Variants in PTPN4 observed in about 807,000 individuals in gnomAD.
The protein encoded by PTPN4 is tyrosine-protein phosphatase non-receptor type 4.
Under a neutral mutation model 135.5 loss-of-function variants are expected in PTPN4, and 49 were observed. The observed-to-expected ratio is 0.36, with a 90% CI of 0.29 to 0.46. The LOEUF is 0.46. Among genes scored for constraint, PTPN4 ranks in the 20% least tolerant of loss-of-function variants. PTPN4 has a pLI of 1.00. For missense variants in PTPN4, 860 were observed against 1,101.0 expected, an observed-to-expected ratio of 0.78 and a Z score of 3.10; for synonymous variants, 333 against 369.9, an observed-to-expected ratio of 0.90 and a Z score of 1.14.
chr2:119,826,773 C>G (rs1053995923), intron 2 of PTPN4, among the ~76,000 whole-genome samples: 4 of 152,142 alleles, frequency 2.6e-5, no homozygotes, highest in Non-Finnish European at 4.4e-5. Context: ...CGCTTGTAAT[C>G]CCAGTGCTTT....
intron 15 of PTPN4, among the ~76,000 whole-genome samples, chr2:119,940,576 A>T (rs1679046431): frequency 6.6e-6 from 1 of 152,160 alleles, no homozygotes; most frequent in South Asian, 2.1e-4. Context: ...CCATTTCAGC[A>T]TCCTGAGTAG....
At chr2:119,782,975 A>G (rs1690971961) in intron 1 of PTPN4, among the ~76,000 whole-genome samples, 1 of 148,434 alleles carries the variant, frequency 6.7e-6, no homozygotes, top group African/African-American at 2.5e-5. Context: ...TACAGGTGTG[A>G]GCCACCACGC....
chr2:119,965,635 G>A lies in PTPN4; in HGVS notation c.2548G>A (p.Val850Ile). The change falls in exon 25 of 27, where the codon GTC becomes ATC. Residue 850 changes from valine to isoleucine, a missense_variant. Around this residue, in one of 2 missense-constraint regions of PTPN4, gnomAD observed 176 missense variants for 294.1 expected, o/e 0.60. Coordinates refer to ENST00000263708, the MANE Select transcript of PTPN4 (RefSeq NM_002830.4). ...GGCTGGCAAGGAAGAACCCGTTGTT[G>A]TCCATTGCAGGTACTCTGTTTTCCG... ...KRAGKEEPVV[V>I]HCSAGIGRTG... 1.9e-6 allele frequency: 3 copies of A among 1,613,018 alleles called. No homozygotes were observed. The highest frequency in any genetic ancestry group is 1.7e-5 in the Admixed American group (1 of 59,778).
At position 119,905,657 on chromosome 2, in the gene PTPN4, A is replaced by T. The variant is rs1678476276; in HGVS notation, c.764+4851A>T. On this transcript the variant is annotated intron_variant, in intron 10 of 26. Coordinates refer to ENST00000263708, the MANE Select transcript of PTPN4 (RefSeq NM_002830.4). ...CAACATTTTATCCAACAGCTGCAGA[A>T]TATGCATTCTTCACCTCAGCACGTG... 2.6e-5 allele frequency among the ~76,000 whole-genome samples: 4 copies of T among 152,202 alleles called. 1 individual carries two copies. In the South Asian group the frequency reaches 8.3e-4, roughly 31 times the overall value.
At chr2:119,830,950 G>A (rs1196305271) in intron 2 of PTPN4, among the ~76,000 whole-genome samples, 2 of 152,112 alleles carry the variant, frequency 1.3e-5, no homozygotes, top group Non-Finnish European at 2.9e-5. Context: ...CCAGTCTTGG[G>A]TATTTCTTTG....
chr2:119,854,391 C>A lies in PTPN4; in HGVS notation c.139-8145C>A, dbSNP rs117348125. Among the ~76,000 whole-genome samples, 402 of 152,290 alleles carry A rather than the reference C, an allele frequency of 2.6e-3. 13 individuals carry two copies. In the East Asian group the frequency reaches 0.067, roughly 25 times the overall value. ...CCTTTATTAAAAGAAAAAAACCTTA[C>A]TGAGGACTCCTTACCCTATCTGCGT... is the stretch of plus-strand genomic sequence containing the variant. On this transcript the variant is annotated intron_variant, in intron 2 of 26. Transcript: ENST00000263708.
At chr2:119,922,383 A>G (rs1558765021) in intron 12 of PTPN4, among the ~76,000 whole-genome samples, 1 of 152,180 alleles carries the variant, frequency 6.6e-6, no homozygotes, top group African/African-American at 2.4e-5. Context: ...TACATTTTAG[A>G]AAGTTGAACA....
chr2:119,920,196 A>G lies in PTPN4; in HGVS notation c.956A>G (p.Asn319Ser), dbSNP rs1558764410. Residue 319 changes from asparagine (N) to serine (S), a missense_variant, in exon 12 of 27, where the codon AAT (asparagine) becomes AGT (serine). Physicochemically the swap from Asn to Ser is conservative, Grantham distance 46. This residue lies in a region of PTPN4 where 684 missense variants were observed against 807.0 expected (regional missense o/e 0.85). Transcript: ENST00000263708. ...RLDRPLPPQK[N>S]FFAHYFTLGS... ...GACAGACCACTTCCACCTCAAAAGA[A>G]TTTTTTTGCACATTATTTTACATTA... 5 of 1,613,084 alleles carry G rather than the reference A, an allele frequency of 3.1e-6. No homozygotes were observed. Among genetic ancestry groups the G allele is most frequent in the South Asian group, 1.1e-5 (1 of 90,824 alleles).
chr2:119,934,674 A>T, intron 14 of PTPN4, 126 bp from the exon 15 acceptor site: 1 of 880,520 alleles, frequency 1.1e-6, no homozygotes, highest in South Asian at 1.6e-5. Context: ...TTTTTCAGAG[A>T]TTGCTTAGTC....
chr2:119,802,289 T>G (rs1234441534), intron 1 of PTPN4, among the ~76,000 whole-genome samples: 1 of 152,234 alleles, frequency 6.6e-6, no homozygotes, highest in African/African-American at 2.4e-5. Flanking sequence ...CTTGCCTTAT[T>G]CCTGGTTATA....
At chr2:119,787,078 GGTGT>G (rs1691060301) in intron 1 of PTPN4, among the ~76,000 whole-genome samples, 1 of 152,178 alleles carries the variant, frequency 6.6e-6, no homozygotes. Context: ...TGGGTGTGTA[GGTGT>G]GTGTGGGTGC....
chr2:119,967,433 C>T (rs189839485), intron 25 of PTPN4, among the ~76,000 whole-genome samples: 27 of 150,538 alleles, frequency 1.8e-4, no homozygotes, highest in Non-Finnish European at 3.2e-4. Context: ...TGGGCGTGAG[C>T]GAGATTCCGT....
chr2:119,939,298 TTTTG>T (rs1178410345), intron 15 of PTPN4, among the ~76,000 whole-genome samples: 10 of 152,000 alleles, frequency 6.6e-5, no homozygotes, highest in African/African-American at 1.7e-4. Context: ...AGAAGTGGCT[TTTTG>T]TTTGTTTGTT....
At chr2:119,934,758 T>C in intron 14 of PTPN4, 42 bp from the exon 15 acceptor site, 1 of 1,586,872 alleles carries the variant, frequency 6.3e-7, no homozygotes, top group Non-Finnish European at 8.6e-7. Context: ...AAATTTTGAA[T>C]TGAAGCATAT....
At chr2:119,775,454 G>A (rs1045328262) in intron 1 of PTPN4, among the ~76,000 whole-genome samples, 2 of 152,102 alleles carry the variant, frequency 1.3e-5, no homozygotes, top group Non-Finnish European at 2.9e-5. Flanking sequence ...CTGGCCACCC[G>A]GAACCCTGTG....
At position 119,760,229 on chromosome 2, in the gene PTPN4, G is replaced by A. The variant is rs562388263; in HGVS notation, c.-173G>A. 17 of 396,584 alleles carry A rather than the reference G, an allele frequency of 4.3e-5. No individual in the cohort carries two copies. The highest frequency in any genetic ancestry group is 2.3e-4 in the African/African-American group (11 of 48,640). 24.6% of individuals were successfully genotyped at this position (396,584 alleles called of 1,614,324 possible). A position where few individuals can be genotyped will look rare whatever the true frequency, so the allele number is the denominator to read the frequency against. On this transcript the variant is annotated 5_prime_UTR_variant, in exon 1 of 27. Transcript: ENST00000263708. ...CCCAGCAGCATGAGGTGGTGCTGGC[G>A]GCTCCGGGTCGTGGCGCGACCGCTG...
At chr2:119,976,003 T>A (rs111500016) in intron 26 of PTPN4, among the ~76,000 whole-genome samples, 44 of 135,196 alleles carry the variant, frequency 3.3e-4, no homozygotes, top group African/African-American at 1.3e-3. Context: ...TTATTTATTT[T>A]TTTTTTTTTT....
chr2:119,847,235 C>T (rs1424776680), intron 2 of PTPN4, among the ~76,000 whole-genome samples: 2 of 136,008 alleles, frequency 1.5e-5, no homozygotes, highest in Admixed American at 7.7e-5. Flanking sequence ...ACTATTTATA[C>T]TATAATAAAT....
intron 2 of PTPN4, among the ~76,000 whole-genome samples, chr2:119,833,991 C>T (rs1042787556): frequency 3.3e-5 from 5 of 152,100 alleles, no homozygotes; most frequent in African/African-American, 9.7e-5. Context: ...CCGAATTGCT[C>T]GGTTATTTTT....
Sources: allele counts gnomAD v4.1 joint callset (sites outside exome capture counted in the v4.1 genomes callset), GRCh38; gene constraint gnomAD v4.1.1; regional missense constraint gnomAD v4.1.1; transcripts MANE v1.5; gene names NCBI Gene and HGNC (gene_info 2026-07-23, HGNC 2026-07-21).